ZNF444: variants seen among roughly 807,000 people sequenced by gnomAD.
ZNF444 encodes endothelial zinc finger protein 2.
A neutral mutation model predicts 14.4 loss-of-function variants in ZNF444; 8 were observed. The ratio of observed to expected loss-of-function variants is 0.56; its 90% confidence interval spans 0.33 to 1.00. The LOEUF is 1.00. ZNF444 is among the 50% of genes least tolerant of loss of function. The probability of loss-of-function intolerance (pLI) is 0.03; values close to 1 mark genes in which losing one functional copy is unlikely to be tolerated. For missense variants in ZNF444, 510 were observed against 504.8 expected (o/e 1.01, Z -0.10); for synonymous variants, 258 against 235.9 (o/e 1.09, Z -0.86).
chr19:56,139,016 C>T (rs934346064), upstream of ZNF444, among the ~76,000 whole-genome samples: 3 of 151,746 alleles, frequency 2.0e-5, no homozygotes, highest in East Asian at 1.9e-4. Flanking sequence ...AGGGTGGTCT[C>T]GAACTCCTAA....
chr19:56,157,199 G>C (rs1436888552), intron 3 of ZNF444: 1 of 152,286 alleles, frequency 6.6e-6, no homozygotes, highest in Non-Finnish European at 1.5e-5. Flanking sequence ...ATGGGCCCCA[G>C]AGCCCATCAC....
At chr19:56,155,940 A>AC (rs1795035728) in intron 3 of ZNF444, 2 of 151,464 alleles carry the variant, frequency 1.3e-5, no homozygotes, top group Non-Finnish European at 2.9e-5. Context: ...CCCAAGACTG[A>AC]CCCCCCATTT....
rs184196281 is a variant in ZNF444, at chr19:56,145,705, C to T, written c.-196-542C>T. Among the ~76,000 whole-genome samples the T allele has an allele frequency of 5.1e-4, 77 of 152,328 alleles. No individual in the cohort carries two copies. Among genetic ancestry groups the T allele is most frequent in the Non-Finnish European group, 3.7e-4 (25 of 68,032 alleles). On this transcript the variant is annotated intron_variant, in intron 1 of 4. Coordinates refer to ENST00000337080, the MANE Select transcript of ZNF444 (RefSeq NM_018337.4). The surrounding 1 kb of genome is among the most constrained non-coding windows in gnomAD (Gnocchi z 4.3). ...CCTGGAAGAGGTGCTCACCAGAACC[C>T]GACAGTGCTGGCACCCAGATCGCAA...
Position 56,160,224 on chromosome 19 carries a change from T to C in ZNF444, c.*23T>C, listed in dbSNP as rs370843874. The C allele has an allele frequency of 2.1e-6, 3 of 1,415,454 alleles. No individual in the cohort carries two copies. Among genetic ancestry groups the C allele is most frequent in the South Asian group, 3.0e-5 (2 of 65,848 alleles). The allele number at this position is 1,415,454 out of a possible 1,614,324, so 87.7% of individuals were successfully genotyped here. Reference sequence around the variant, plus strand: ...TAGCCGCCTCCCGGCCAGCGCCATCTCCCGCCCTTGGTGCTGCCCCCGGGC... The same window carrying C: ...TAGCCGCCTCCCGGCCAGCGCCATCCCCCGCCCTTGGTGCTGCCCCCGGGC... On this transcript the variant is annotated 3_prime_UTR_variant, in exon 5 of 5. Transcript: ENST00000337080.
chr19:56,159,752 A>G lies in ZNF444; in HGVS notation c.535A>G (p.Thr179Ala). The change falls in exon 5 of 5, where the codon ACG becomes GCG. Residue 179 changes from threonine to alanine, a missense_variant. Transcript: ENST00000337080. ...LPAFLAAPGT[T>A]SCPECGKTSL... ...CGCCTTCCTAGCGGCCCCGGGCACC[A>G]CGTCCTGCCCCGAGTGCGGCAAAAC... 1 of 1,589,914 alleles carries G rather than the reference A, an allele frequency of 6.3e-7. No homozygotes were observed. Among genetic ancestry groups the G allele is most frequent in the Non-Finnish European group, 8.5e-7 (1 of 1,172,182 alleles).
intron 3 of ZNF444, among the ~76,000 whole-genome samples, chr19:56,153,325 A>G (rs1442649267): frequency 3.3e-5 from 5 of 152,188 alleles, no homozygotes; most frequent in African/African-American, 1.2e-4. Flanking sequence ...ATGTAGTCTC[A>G]TATAGTCTCC....
At chr19:56,149,216 A>C (rs1459249060) in intron 3 of ZNF444, among the ~76,000 whole-genome samples, 4 of 44,576 alleles carry the variant, frequency 9.0e-5, no homozygotes, top group African/African-American at 1.3e-4. Context: ...ATCCCCCATC[A>C]CTCCTCTGAC....
At chr19:56,158,097 T>G in intron 3 of ZNF444, 1 of 163,706 alleles carries the variant, frequency 6.1e-6, no homozygotes, top group Admixed American at 6.4e-5. Flanking sequence ...GAGACAGGTG[T>G]ATTAGTTATT....
rs767262542 is a variant in ZNF444, at chr19:56,158,529, G to A, written c.333G>A (p.Thr111=). Residue 111 remains threonine (T), a synonymous_variant, in exon 4 of 5, where the codon ACG becomes ACA. Coordinates refer to ENST00000337080, the MANE Select transcript of ZNF444 (RefSeq NM_018337.4). ...PAASPDGSSA[T]RVPQDVTQGP... is the part of the protein sequence containing the mutation. ...CCTCCCCCGATGGGTCGTCAGCAACGAGGGTGCCTCAGGATGTGACGCAGG... is the reference window on the plus strand; with the variant it reads ...CCTCCCCCGATGGGTCGTCAGCAACAAGGGTGCCTCAGGATGTGACGCAGG... 1.5e-5 allele frequency: 24 copies of A among 1,612,006 alleles called. No individual in the cohort carries two copies. The highest frequency in any genetic ancestry group is 2.0e-5 in the Non-Finnish European group (23 of 1,178,990).
chr19:56,159,476 GGTAT>G (rs2032130923), intron 4 of ZNF444, 144 bp from the exon 5 acceptor site: 1 of 628,904 alleles, frequency 1.6e-6, no homozygotes, highest in Non-Finnish European at 2.6e-6. Context: ...CCGGGACACA[GGTAT>G]GAATAAGAAG....
chr19:56,160,142 G>A lies in ZNF444; in HGVS notation c.925G>A (p.Gly309Arg), dbSNP rs1056075536. Reference protein sequence around the residue: ...IHGRAAASAQGAVAPGPDGGG... With the variant: ...IHGRAAASAQRAVAPGPDGGG... ...CGGCCGGGCAGCGGCCAGCGCGCAG[G>A]GGGCGGTAGCTCCGGGCCCGGATGG... Residue 309 changes from glycine (G) to arginine (R), a missense_variant, in exon 5 of 5, where the codon GGG becomes AGG. Gly to Arg is a moderately radical substitution (Grantham distance 125). Transcript: ENST00000337080. The A allele has an allele frequency of 1.5e-5, 22 of 1,482,034 alleles. No individual in the cohort carries two copies. The highest frequency in any genetic ancestry group is 2.0e-5 in the Non-Finnish European group (22 of 1,124,932). The allele number at this position is 1,482,034 out of a possible 1,614,324, so 91.8% of individuals were successfully genotyped here. A position where few individuals can be genotyped will look rare whatever the true frequency, so the allele number is the denominator to read the frequency against.
rs552723965 is a variant in ZNF444 at position 56,149,264 on chromosome 19, C to T, written c.297+2056C>T. On this transcript the variant is annotated intron_variant, in intron 3 of 4. Coordinates refer to ENST00000337080, the MANE Select transcript of ZNF444 (RefSeq NM_018337.4). ...TTCCATCCCCCATCACTCCTCCGAC[C>T]TTGACCTCTGCTTTCATCCCCATCA... Among the ~76,000 whole-genome samples the T allele has an allele frequency of 1.8e-3, 231 of 125,026 alleles. 5 individuals are homozygous for T. Among genetic ancestry groups the T allele is most frequent in the Middle Eastern group, 8.9e-3 (2 of 224 alleles). 82.0% of individuals were successfully genotyped at this position (125,026 alleles called of 152,430 possible).
rs1354633965 is a variant in ZNF444 at position 56,147,251 on chromosome 19, GT to G, written c.297+44del. ...GCAAGCGGGGAAGGGAGAGGGGAAG[GT>G]GCCAGGGAAGCCACCAGGAAGCCCA... On this transcript the variant is annotated intron_variant, in intron 3 of 4. Transcript: ENST00000337080. The surrounding 1 kb of genome is among the most constrained non-coding windows in gnomAD (Gnocchi z 5.9). 1.3e-5 allele frequency: 18 copies of G among 1,394,646 alleles called. No individual in the cohort carries two copies. The highest frequency in any genetic ancestry group is 1.6e-5 in the Non-Finnish European group (17 of 1,080,780). The allele number at this position is 1,394,646 out of a possible 1,614,324, so 86.4% of individuals were successfully genotyped here.
chr19:56,146,984 C>T lies in ZNF444; in HGVS notation c.73C>T (p.Arg25Cys), dbSNP rs1389794541. 2 of 1,439,684 alleles carry T rather than the reference C, an allele frequency of 1.4e-6. No individual in the cohort carries two copies. The highest frequency in any genetic ancestry group is 3.1e-5 in the Admixed American group (1 of 32,606). 89.2% of individuals were successfully genotyped at this position (1,439,684 alleles called of 1,614,324 possible). A position where few individuals can be genotyped will look rare whatever the true frequency, so the allele number is the denominator to read the frequency against. Residue 25 changes from arginine (R) to cysteine (C), a missense_variant, in exon 3 of 5, where the codon CGC becomes TGC. Physicochemically the swap from Arg to Cys is radical, Grantham distance 180 (BLOSUM62 -3). Transcript: ENST00000337080. ...ALDSPWHRFRRFHLGDAPGPR... is the reference protein window; with the variant it reads ...ALDSPWHRFRCFHLGDAPGPR... ...GGACTCCCCGTGGCACCGCTTCCGC[C>T]GCTTCCACCTGGGCGACGCGCCGGG...
At chr19:56,135,972 C>T (rs1245473745) in intron 1 of ZNF444, among the ~76,000 whole-genome samples, 2 of 144,290 alleles carry the variant, frequency 1.4e-5, no homozygotes, top group Non-Finnish European at 3.0e-5. Context: ...ATCCCAGCCA[C>T]TTGGGAGGCT....
intron 4 of ZNF444, among the ~76,000 whole-genome samples, chr19:56,159,003 T>C (rs1185488347): frequency 6.6e-6 from 1 of 150,996 alleles, no homozygotes; most frequent in Non-Finnish European, 1.5e-5. Flanking sequence ...CATCCATCCA[T>C]CTACTCATCC....
rs1362097732 is a variant in ZNF444 at position 56,159,608 on chromosome 19, C to G, written c.407-16C>G. ...CCTCGTGCCGACCCAGATGCTGACT[C>G]TCTTTCTTTTCCCAGCAGGCACCGC... is the stretch of plus-strand genomic sequence containing the variant. On this transcript the variant is annotated splice_polypyrimidine_tract_variant and intron_variant, in intron 4 of 4. Transcript: ENST00000337080. 2.5e-5 allele frequency: 36 copies of G among 1,426,248 alleles called. No individual in the cohort carries two copies. The highest frequency in any genetic ancestry group is 3.3e-5 in the Non-Finnish European group (36 of 1,094,724). The allele number at this position is 1,426,248 out of a possible 1,614,324, so 88.3% of individuals were successfully genotyped here. A position where few individuals can be genotyped will look rare whatever the true frequency, so the allele number is the denominator to read the frequency against.
At chr19:56,155,469 G>T (rs983666257) in intron 3 of ZNF444, 2 of 152,230 alleles carry the variant, frequency 1.3e-5, no homozygotes, top group African/African-American at 4.8e-5. Flanking sequence ...AGCCCACCCG[G>T]GTGGCCCAGG....
upstream of ZNF444, among the ~76,000 whole-genome samples, chr19:56,138,695 G>C (rs904830374): frequency 1.3e-5 from 2 of 151,760 alleles, no homozygotes; most frequent in Non-Finnish European, 2.9e-5. Flanking sequence ...GGGGGAGAGA[G>C]GAATGGGTGG....
Sources: allele counts gnomAD v4.1 joint callset (sites outside exome capture counted in the v4.1 genomes callset), GRCh38; gene constraint gnomAD v4.1.1; non-coding constraint Gnocchi (gnomAD v3.1); transcripts MANE v1.5; gene names NCBI Gene and HGNC (gene_info 2026-07-23, HGNC 2026-07-21).